PPP4R4: variants seen among roughly 807,000 people sequenced by gnomAD.
PPP4R4 encodes the protein serine/threonine-protein phosphatase 4 regulatory subunit 4.
PPP4R4 carries 70 observed loss-of-function variants against 121.8 expected under a neutral mutation model. The ratio of observed to expected loss-of-function variants is 0.57; its 90% CI spans 0.47 to 0.70. The LOEUF (loss-of-function observed/expected upper bound fraction) is 0.70, where lower values mean the gene tolerates loss of function less well. Ranked by LOEUF, PPP4R4 falls within the 30% of genes least tolerant of loss-of-function variation. PPP4R4 has a pLI of 0.00. For missense variants in PPP4R4, 875 were observed against 1,033.6 expected, an observed-to-expected ratio of 0.85 and a Z score of 2.10; for synonymous variants, 348 against 355.7, an observed-to-expected ratio of 0.98 and a Z score of 0.24.
intron 2 of PPP4R4, among the ~76,000 whole-genome samples, chr14:94,197,938 A>G (rs1164939522): frequency 6.6e-6 from 1 of 152,222 alleles, no homozygotes; most frequent in African/African-American, 2.4e-5. Flanking sequence ...TAATTTGATT[A>G]TCCACTTGTT....
At chr14:94,199,275 C>T (rs555341442) in intron 2 of PPP4R4, among the ~76,000 whole-genome samples, 3 of 152,342 alleles carry the variant, frequency 2.0e-5, no homozygotes, top group South Asian at 2.1e-4. Flanking sequence ...TTCCCCAGAC[C>T]GCTCGCAGGG....
chr14:94,233,136 A>G (rs1463139159), intron 5 of PPP4R4, among the ~76,000 whole-genome samples: 1 of 152,030 alleles, frequency 6.6e-6, no homozygotes, highest in African/African-American at 2.4e-5. Flanking sequence ...TGATCTTCAT[A>G]GTGTTTTATG....
intron 3 of PPP4R4, among the ~76,000 whole-genome samples, chr14:94,222,248 G>T (rs1244403291): frequency 1.3e-5 from 2 of 151,578 alleles, no homozygotes; most frequent in Non-Finnish European, 1.5e-5. Context: ...TATTTTATTT[G>T]AATTGATTAA....
chr14:94,253,455 G>T (rs918658325), intron 16 of PPP4R4, among the ~76,000 whole-genome samples: 6 of 152,060 alleles, frequency 3.9e-5, no homozygotes, highest in Non-Finnish European at 4.4e-5. Context: ...GCAAGACTTC[G>T]TCTCAAAAAA....
chr14:94,261,998 A>G (rs966316335), intron 19 of PPP4R4, among the ~76,000 whole-genome samples: 4 of 151,976 alleles, frequency 2.6e-5, no homozygotes, highest in African/African-American at 7.2e-5. Flanking sequence ...AAATTGGCCT[A>G]TAATTCCCCT....
chr14:94,230,955 T>A (rs1892001028), intron 4 of PPP4R4, among the ~76,000 whole-genome samples: 1 of 152,216 alleles, frequency 6.6e-6, no homozygotes, highest in African/African-American at 2.4e-5. Context: ...ATCTTATGAT[T>A]TATACTTTCT....
chr14:94,237,505 G>A, intron 7 of PPP4R4, 60 bp from the exon 8 acceptor site: 1 of 1,502,164 alleles, frequency 6.7e-7, no homozygotes, highest in Non-Finnish European at 9.1e-7. Flanking sequence ...CTGGTTTTTA[G>A]TAAGTTCCTG....
intron 2 of PPP4R4, among the ~76,000 whole-genome samples, chr14:94,189,364 T>C (rs1290007379): frequency 2.0e-5 from 3 of 152,222 alleles, no homozygotes. Context: ...AGAACAGAAA[T>C]AATTATTTCA....
chr14:94,233,883 A>T, intron 6 of PPP4R4, 124 bp downstream of exon 6: 1 of 661,034 alleles, frequency 1.5e-6, no homozygotes, highest in Non-Finnish European at 2.6e-6. Context: ...TAACTATTTT[A>T]ACTTTATGGA....
At chr14:94,181,253 A>G (rs1888974915) in intron 2 of PPP4R4, among the ~76,000 whole-genome samples, 1 of 151,794 alleles carries the variant, frequency 6.6e-6, no homozygotes, top group Admixed American at 6.6e-5. Context: ...TGAGAGAGAG[A>G]AAGAGAGAGG....
rs191006049 is a variant in PPP4R4 at position 94,247,015 on chromosome 14, T to G, written c.1611+476T>G. Among the ~76,000 whole-genome samples, 539 of 152,290 alleles carry G rather than the reference T, an allele frequency of 3.5e-3. 3 individuals are homozygous for G. The highest frequency in any genetic ancestry group is 0.013 in the African/African-American group (524 of 41,560). On this transcript the variant is annotated intron_variant, in intron 14 of 24. Transcript: ENST00000304338. ...TTTGGTTACTTTTAGAGTGTGGCAA[T>G]GGAACAGAGAAAGCTTATACAAATA...
rs529354305 is a variant in PPP4R4, at chr14:94,264,963, A to G, written c.2197+16A>G. 12 of 1,543,344 alleles carry G rather than the reference A, an allele frequency of 7.8e-6. No individual in the cohort carries two copies. Among genetic ancestry groups the G allele is most frequent in the South Asian group, 2.3e-5 (2 of 85,288 alleles). On this transcript the variant is annotated intron_variant, in intron 20 of 24. Coordinates refer to ENST00000304338, the MANE Select transcript of PPP4R4 (RefSeq NM_058237.2). Reference sequence around the variant, plus strand: ...GAAAAGAAACGTAAGTAGTTTTTCTATGTCTTCAACACTTAATTACATAAT... The same window carrying G: ...GAAAAGAAACGTAAGTAGTTTTTCTGTGTCTTCAACACTTAATTACATAAT...
intron 2 of PPP4R4, among the ~76,000 whole-genome samples, chr14:94,182,943 C>T (rs187722035): frequency 1.3e-4 from 20 of 152,160 alleles, no homozygotes; most frequent in Admixed American, 1.2e-3. Flanking sequence ...TGACAAACTT[C>T]TAGTACATAA....
intron 16 of PPP4R4, among the ~76,000 whole-genome samples, chr14:94,255,970 C>G (rs963519083): frequency 1.3e-5 from 2 of 152,218 alleles, no homozygotes; most frequent in African/African-American, 4.8e-5. Flanking sequence ...TTTGGACCAA[C>G]AGTAGAGACA....
intron 2 of PPP4R4, among the ~76,000 whole-genome samples, chr14:94,182,902 T>A (rs17129508): frequency 0.013 from 1,966 of 152,292 alleles, 44 homozygotes; most frequent in African/African-American, 0.045. Context: ...GTCTGAGTGG[T>A]CCCAGCCTAT....
At chr14:94,192,919 A>G (rs1889678778) in intron 2 of PPP4R4, among the ~76,000 whole-genome samples, 1 of 152,206 alleles carries the variant, frequency 6.6e-6, no homozygotes, top group African/African-American at 2.4e-5. Flanking sequence ...AGGTACAAGA[A>G]TAGATGAAGA....
intron 19 of PPP4R4, among the ~76,000 whole-genome samples, chr14:94,262,327 G>A (rs1453237896): frequency 2.0e-5 from 3 of 151,818 alleles, no homozygotes; most frequent in African/African-American, 7.3e-5. Flanking sequence ...CAAATCTGTT[G>A]GCATGAAGTT....
intron 2 of PPP4R4, among the ~76,000 whole-genome samples, chr14:94,188,624 T>C (rs1889423522): frequency 6.6e-6 from 1 of 152,296 alleles, no homozygotes; most frequent in African/African-American, 2.4e-5. Context: ...TATCTTGATA[T>C]AGTACCTAAA....
At chr14:94,225,162 A>G (rs1196781618) in intron 3 of PPP4R4, among the ~76,000 whole-genome samples, 1 of 152,246 alleles carries the variant, frequency 6.6e-6, no homozygotes, top group African/African-American at 2.4e-5. Context: ...TCCTCTTTCA[A>G]TAAAGGCAGA....
Sources: gnomAD v4.1 joint callset for allele counts (sites outside exome capture counted in the v4.1 genomes callset) on GRCh38, gnomAD v4.1.1 for gene constraint, MANE v1.5 for transcripts, NCBI Gene and HGNC (gene_info 2026-07-23, HGNC 2026-07-21) for gene names.